The following MAP2K6 variants were observed in gnomAD, a reference collection of about 807,000 sequenced individuals.
The protein encoded by MAP2K6 is dual specificity mitogen-activated protein kinase kinase 6.
In MAP2K6, 16 loss-of-function variants were observed where a neutral mutation model predicts 53.7. That is an observed-to-expected ratio of 0.30 (90% CI 0.20 to 0.45). The LOEUF is 0.45. MAP2K6 is among the 20% of genes least tolerant of loss of function. The pLI, the probability that MAP2K6 is intolerant of heterozygous loss-of-function variation, is 1.00. For missense variants in MAP2K6, 204 were observed against 411.9 expected (o/e 0.50, Z 4.37); for synonymous variants, 132 against 143.1 (o/e 0.92, Z 0.55).
chr17:69,484,959 TG>T (rs1908476036), intron 1 of MAP2K6, among the ~76,000 whole-genome samples: 1 of 152,054 alleles, frequency 6.6e-6, no homozygotes, highest in African/African-American at 2.4e-5. Flanking sequence ...TGACTGATAA[TG>T]GGTATGGTGT....
chr17:69,449,562 TTTC>T (rs1907122336), intron 1 of MAP2K6, among the ~76,000 whole-genome samples: 5 of 49,846 alleles, frequency 1.0e-4, no homozygotes, highest in South Asian at 8.9e-4. Flanking sequence ...TCTTTCTTTA[TTTC>T]TTTCTTTCTT....
intron 1 of MAP2K6, among the ~76,000 whole-genome samples, chr17:69,491,770 T>C (rs554352582): frequency 2.7e-5 from 4 of 149,178 alleles, no homozygotes; most frequent in Non-Finnish European, 5.9e-5. Flanking sequence ...TTTTGAATAA[T>C]AGACTTTCAG....
chr17:69,464,099 T>G (rs1173196112), intron 1 of MAP2K6, among the ~76,000 whole-genome samples: 1 of 152,132 alleles, frequency 6.6e-6, no homozygotes, highest in African/African-American at 2.4e-5. Flanking sequence ...ATTTACTTAT[T>G]TTTTTGAGAC....
intron 1 of MAP2K6, among the ~76,000 whole-genome samples, chr17:69,503,174 C>A (rs1323178421): frequency 6.6e-6 from 1 of 152,156 alleles, no homozygotes; most frequent in Non-Finnish European, 1.5e-5. Context: ...TTATCTGTCA[C>A]CTGCACTGGA....
At position 69,522,604 on chromosome 17, in the gene MAP2K6, C is replaced by T. The variant is rs959839338; in HGVS notation, c.536-910C>T. On this transcript the variant is annotated intron_variant, in intron 7 of 11. Transcript: ENST00000590474. The stretch of plus-strand genomic sequence containing the variant: ...TAGTTCCATTTTTTGGGCATATGGG[C>T]GGGTGGGTTAAATTTTTCTAGTCAA... Among the ~76,000 whole-genome samples the T allele has an allele frequency of 4.0e-5, 6 of 151,684 alleles. No homozygotes were observed. In the East Asian group the frequency reaches 5.8e-4, roughly 15 times the overall value.
Position 69,526,631 on chromosome 17 carries a change from A to C in MAP2K6, c.803A>C (p.Lys268Thr). The C allele has an allele frequency of 6.2e-7, 1 of 1,614,096 alleles. No homozygotes were observed. The highest frequency in any genetic ancestry group is 8.5e-7 in the Non-Finnish European group (1 of 1,180,016). Residue 268 changes from lysine (K) to threonine (T), a missense_variant, in exon 10 of 12, where the codon AAA (lysine) becomes ACA (threonine). By Grantham distance (78) the Lys-to-Thr change is moderately conservative (BLOSUM62 -1). Coordinates refer to ENST00000590474, the MANE Select transcript of MAP2K6 (RefSeq NM_002758.4). ...DSWGTPFQQL[K>T]QVVEEPSPQL... is the part of the protein sequence containing the mutation. The stretch of plus-strand genomic sequence containing the variant: ...TGGGGAACTCCATTTCAGCAGCTCA[A>C]ACAGGTGGTAGAGGAGCCATCGCCA...
intron 1 of MAP2K6, among the ~76,000 whole-genome samples, chr17:69,456,820 A>G (rs1274504604): frequency 6.6e-6 from 1 of 152,102 alleles, no homozygotes; most frequent in Non-Finnish European, 1.5e-5. Flanking sequence ...TCATCACTCT[A>G]CAAATCCCTG....
At chr17:69,427,521 C>G (rs192647886) in intron 1 of MAP2K6, among the ~76,000 whole-genome samples, 2 of 152,186 alleles carry the variant, frequency 1.3e-5, no homozygotes, top group East Asian at 3.9e-4. Context: ...GTTTCAAAAA[C>G]AGAGTGACGT....
chr17:69,488,882 C>A (rs1267400194), intron 1 of MAP2K6, among the ~76,000 whole-genome samples: 1 of 152,028 alleles, frequency 6.6e-6, no homozygotes, highest in Admixed American at 6.6e-5. Context: ...ATGTAACAAA[C>A]CTGCACATGT....
chr17:69,516,025 T>C (rs1288967878), intron 2 of MAP2K6, among the ~76,000 whole-genome samples: 1 of 152,138 alleles, frequency 6.6e-6, no homozygotes, highest in Non-Finnish European at 1.5e-5. Flanking sequence ...CCCAACCTTT[T>C]TGGCACCAGG....
intron 6 of MAP2K6, 54 bp downstream of exon 6, chr17:69,520,440 TG>T (rs1910406390): frequency 9.3e-7 from 1 of 1,078,828 alleles, no homozygotes; most frequent in South Asian, 1.4e-5. Context: ...AAAGTCCCTA[TG>T]TGTCTTTGGA....
At chr17:69,436,575 G>A (rs1321016428) in intron 1 of MAP2K6, among the ~76,000 whole-genome samples, 1 of 152,134 alleles carries the variant, frequency 6.6e-6, no homozygotes, top group Non-Finnish European at 1.5e-5. Context: ...TATCCAGGGC[G>A]AGCCTTATGC....
intron 1 of MAP2K6, among the ~76,000 whole-genome samples, chr17:69,478,353 T>G (rs1418199377): frequency 6.6e-6 from 1 of 152,182 alleles, no homozygotes. Context: ...GATATCACTG[T>G]GTAACTTACT....
intron 1 of MAP2K6, among the ~76,000 whole-genome samples, chr17:69,419,884 A>G (rs1339106002): frequency 6.6e-6 from 1 of 150,436 alleles, no homozygotes; most frequent in Non-Finnish European, 1.5e-5. Flanking sequence ...ACTGCACTGT[A>G]GCCTGGGTGA....
At chr17:69,415,863 T>G (rs1256826302) in intron 1 of MAP2K6, among the ~76,000 whole-genome samples, 1 of 152,240 alleles carries the variant, frequency 6.6e-6, no homozygotes, top group Admixed American at 6.5e-5. Context: ...ACGTTATGGT[T>G]GTTTTCTTTA....
chr17:69,440,709 A>T (rs1906788200), intron 1 of MAP2K6, among the ~76,000 whole-genome samples: 1 of 150,344 alleles, frequency 6.7e-6, no homozygotes, highest in South Asian at 2.1e-4. Flanking sequence ...TTTTCTCTGG[A>T]TATAGAATTC....
chr17:69,528,066 G>A (rs531771618), intron 10 of MAP2K6, among the ~76,000 whole-genome samples: 117 of 131,484 alleles, frequency 8.9e-4, no homozygotes, highest in African/African-American at 3.2e-3. Flanking sequence ...CCGAGATCAC[G>A]CCATTGCACT....
chr17:69,415,065 G>C, intron 1 of MAP2K6, 65 bp downstream of exon 1: 2 of 1,443,128 alleles, frequency 1.4e-6, no homozygotes, highest in African/African-American at 1.4e-5. Context: ...TGAATGCATG[G>C]ATGCAATTTT....
intron 1 of MAP2K6, among the ~76,000 whole-genome samples, chr17:69,425,216 A>G (rs1300954449): frequency 6.6e-6 from 1 of 152,116 alleles, no homozygotes; most frequent in Admixed American, 6.5e-5. Flanking sequence ...TTCCTCTTGT[A>G]CTGGACAGAG....
Sources: allele counts gnomAD v4.1 joint callset (sites outside exome capture counted in the v4.1 genomes callset), GRCh38; gene constraint gnomAD v4.1.1; transcripts MANE v1.5; gene names NCBI Gene and HGNC (gene_info 2026-07-23, HGNC 2026-07-21).